Variants in PALM2AKAP2 observed in about 807,000 individuals in gnomAD.
The protein encoded by PALM2AKAP2 is PALM2 and AKAP2 fusion.
A neutral mutation model predicts 71.5 loss-of-function variants in PALM2AKAP2; 37 were observed. The ratio of observed to expected loss-of-function variants is 0.52; its 90% CI spans 0.40 to 0.68. PALM2AKAP2 has a LOEUF of 0.68. PALM2AKAP2 is among the 30% of genes least tolerant of loss of function. The pLI is 0.00. For missense variants in PALM2AKAP2, 1,224 were observed against 1,191.8 expected (o/e 1.03, Z -0.40); for synonymous variants, 468 against 478.8 (o/e 0.98, Z 0.29).
chr9:109,934,752 T>A (rs1831183169), intron 6 of PALM2AKAP2, among the ~76,000 whole-genome samples: 1 of 152,236 alleles, frequency 6.6e-6, no homozygotes, highest in South Asian at 2.1e-4. Flanking sequence ...CTCACTCCGT[T>A]TATCCATAGA....
At chr9:110,149,502 A>C (rs1836258896) in intron 2 of PALM2AKAP2, among the ~76,000 whole-genome samples, 1 of 152,394 alleles carries the variant, frequency 6.6e-6, no homozygotes, top group Admixed American at 6.5e-5. Context: ...AAATGTAAAA[A>C]GAATCAAAAG....
chr9:109,919,132 C>T (rs900202680), intron 3 of PALM2AKAP2, among the ~76,000 whole-genome samples: 19 of 152,200 alleles, frequency 1.2e-4, no homozygotes, highest in African/African-American at 2.7e-4. Flanking sequence ...ATTTTTATCA[C>T]GATCTTGTTT....
At chr9:110,090,138 C>T (rs7861208) in intron 1 of PALM2AKAP2, 44,121 of 299,324 alleles carry the variant, frequency 0.15, 4,518 homozygotes, top group African/African-American at 0.34. Context: ...TACCTTTGAA[C>T]CGGAGAAGTC....
At chr9:109,746,322 A>G (rs369199657) in intron 1 of PALM2AKAP2, among the ~76,000 whole-genome samples, 1 of 152,220 alleles carries the variant, frequency 6.6e-6, no homozygotes, top group African/African-American at 2.4e-5. Context: ...AGTCACTTAG[A>G]AAAGCTAGCC....
intron 1 of PALM2AKAP2, chr9:109,867,164 C>CTCTCTGTG (rs879237135): frequency 3.0e-5 from 12 of 399,804 alleles, no homozygotes; most frequent in East Asian, 7.4e-5. Context: ...ACATGGTTCT[C>CTCTCTGTG]TGTGTGTGTG....
chr9:109,728,155 A>G (rs1289796959), intron 1 of PALM2AKAP2, among the ~76,000 whole-genome samples: 1 of 152,226 alleles, frequency 6.6e-6, no homozygotes, highest in Non-Finnish European at 1.5e-5. Flanking sequence ...GATAGCTTAG[A>G]ATATCTTTTT....
intron 1 of PALM2AKAP2, among the ~76,000 whole-genome samples, chr9:109,829,599 A>G (rs938438272): frequency 2.6e-5 from 4 of 151,682 alleles, no homozygotes; most frequent in Admixed American, 1.3e-4. Flanking sequence ...TCCTTTCTGC[A>G]CACACAGAAG....
rs75331549 is a variant in PALM2AKAP2 at position 109,845,092 on chromosome 9, C to G, written c.46-22399C>G. Among the ~76,000 whole-genome samples the G allele has an allele frequency of 6.8e-3, 1,035 of 152,302 alleles. 9 individuals carry two copies. Among genetic ancestry groups the G allele is most frequent in the African/African-American group, 0.024 (1,007 of 41,564 alleles). ...TAAACACTCTTCTCCAGTAAGGCCA[C>G]TACAGCTGCCTCTGCTTACTAAGTG... On this transcript the variant is annotated intron_variant, in intron 1 of 9. Coordinates refer to the PALM2AKAP2 transcript ENST00000302798.
At chr9:109,812,895 A>G (rs1827761314) in intron 1 of PALM2AKAP2, among the ~76,000 whole-genome samples, 1 of 152,196 alleles carries the variant, frequency 6.6e-6, no homozygotes, top group Non-Finnish European at 1.5e-5. Context: ...TCTCAGTAGC[A>G]TAAGATAAGA....
chr9:109,865,436 C>CTAGA (rs889672369), intron 1 of PALM2AKAP2, among the ~76,000 whole-genome samples: 9 of 152,040 alleles, frequency 5.9e-5, no homozygotes, highest in African/African-American at 2.2e-4. Context: ...CTAACATGAA[C>CTAGA]TCTACATCCT....
chr9:109,662,679 T>A (rs1294411526), intron 1 of PALM2AKAP2, among the ~76,000 whole-genome samples: 1 of 152,216 alleles, frequency 6.6e-6, no homozygotes, highest in East Asian at 1.9e-4. Context: ...GATGTTGGCC[T>A]CATAAAATGA....
At chr9:110,103,400 A>C (rs993102785) in intron 1 of PALM2AKAP2, among the ~76,000 whole-genome samples, 2 of 152,206 alleles carry the variant, frequency 1.3e-5, no homozygotes, top group African/African-American at 4.8e-5. Context: ...CCTTGCAGCA[A>C]GTGAGACACT....
At chr9:109,859,601 C>T (rs1587965998) in intron 1 of PALM2AKAP2, among the ~76,000 whole-genome samples, 1 of 152,292 alleles carries the variant, frequency 6.6e-6, no homozygotes, top group East Asian at 1.9e-4. Flanking sequence ...GAAAACAATA[C>T]AAAGCTGGCA....
At chr9:109,661,287 A>G (rs1827391261) in intron 1 of PALM2AKAP2, among the ~76,000 whole-genome samples, 1 of 152,194 alleles carries the variant, frequency 6.6e-6, no homozygotes, top group Non-Finnish European at 1.5e-5. Context: ...TAGGGTTTTC[A>G]TGGTTTTAGG....
At chr9:109,691,991 C>T (rs1402115582) in intron 1 of PALM2AKAP2, among the ~76,000 whole-genome samples, 1 of 141,206 alleles carries the variant, frequency 7.1e-6, no homozygotes, top group African/African-American at 2.6e-5. Context: ...CATTAGTTTG[C>T]TTCAGTAATG....
intron 2 of PALM2AKAP2, among the ~76,000 whole-genome samples, chr9:110,147,111 C>T (rs1299664334): frequency 2.6e-5 from 4 of 151,986 alleles, no homozygotes; most frequent in Non-Finnish European, 5.9e-5. Context: ...ATGAGCCAGG[C>T]GTGGTGTCAC....
intron 1 of PALM2AKAP2, among the ~76,000 whole-genome samples, chr9:109,816,345 G>T (rs770431273): frequency 2.0e-5 from 3 of 152,184 alleles, no homozygotes; most frequent in Admixed American, 2.0e-4. Flanking sequence ...GATCTTAGGC[G>T]AAAAGACATA....
In PALM2AKAP2 at chr9:110,136,290, C is replaced by G. The variant is rs773781477; in HGVS notation, c.320C>G (p.Ser107Cys). 2 of 1,614,202 alleles carry G rather than the reference C, an allele frequency of 1.2e-6. No individual in the cohort carries two copies. Among genetic ancestry groups the G allele is most frequent in the South Asian group, 2.2e-5 (2 of 91,078 alleles). ...TGTAAAAGTGTTCCTGGAATCACCT[C>G]TACCCCACATCCCATGGACCATCCC... Residue 107 changes from serine (S) to cysteine (C), a missense_variant, in exon 2 of 4, where the codon TCT becomes TGT. By Grantham distance (112) the Ser-to-Cys change is moderately radical. Transcript: ENST00000374525.
intron 7 of PALM2AKAP2, among the ~76,000 whole-genome samples, chr9:110,027,122 T>G (rs1317757556): frequency 6.6e-6 from 1 of 152,144 alleles, no homozygotes; most frequent in Non-Finnish European, 1.5e-5. Context: ...CAAGCTAGAT[T>G]TTTAAAGATA....
Sources: gnomAD v4.1 joint callset for allele counts (sites outside exome capture counted in the v4.1 genomes callset) on GRCh38, gnomAD v4.1.1 for gene constraint, MANE v1.5 for transcripts, NCBI Gene and HGNC (gene_info 2026-07-23, HGNC 2026-07-21) for gene names.